The following PRICKLE1 variants were observed in gnomAD, a reference collection of about 807,000 sequenced individuals.
PRICKLE1 encodes prickle-like protein 1.
PRICKLE1 carries 14 observed loss-of-function variants against 70.2 expected under a neutral mutation model. That is an observed-to-expected ratio of 0.20 (90% CI 0.13 to 0.31). The LOEUF is 0.31. Ranked by LOEUF, PRICKLE1 falls within the 10% of genes least tolerant of loss-of-function variation. The pLI is 1.00. For missense variants in PRICKLE1, 821 were observed against 1,026.2 expected, an observed-to-expected ratio of 0.80 and a Z score of 2.73; for synonymous variants, 357 against 379.9, an observed-to-expected ratio of 0.94 and a Z score of 0.70.
In PRICKLE1 at chr12:42,544,223, C is replaced by T. The variant is rs570320251; in HGVS notation, c.-49+45242G>A. 3.2e-4 allele frequency among the ~76,000 whole-genome samples: 48 copies of T among 152,274 alleles called. 1 individual carries two copies. In the South Asian group the frequency reaches 9.1e-3, roughly 29 times the overall value. ...GGCTGCCTCACTATTTACAAATTTACGAGTGATCACTTGATTATGTTGGTC... is the reference window on the plus strand; with the variant it reads ...GGCTGCCTCACTATTTACAAATTTATGAGTGATCACTTGATTATGTTGGTC... On this transcript the variant is annotated intron_variant, in intron 1 of 7. Coordinates refer to ENST00000345127, the MANE Select transcript of PRICKLE1 (RefSeq NM_153026.3).
chr12:42,550,642 C>G (rs913561483), intron 1 of PRICKLE1, among the ~76,000 whole-genome samples: 3 of 152,164 alleles, frequency 2.0e-5, no homozygotes, highest in Non-Finnish European at 4.4e-5. Flanking sequence ...CTGTTTTCAA[C>G]TGCTACTCAG....
At chr12:42,552,124 T>C (rs546715372) in intron 1 of PRICKLE1, among the ~76,000 whole-genome samples, 50 of 149,562 alleles carry the variant, frequency 3.3e-4, no homozygotes, top group Admixed American at 1.9e-3. Context: ...TGGAGTGCAG[T>C]TATGCAACCT....
intron 1 of PRICKLE1, among the ~76,000 whole-genome samples, chr12:42,527,957 A>AC (rs1939840439): frequency 3.8e-5 from 1 of 26,356 alleles, no homozygotes; most frequent in African/African-American, 1.4e-4. Context: ...ATATATATAT[A>AC]TATATATATA....
rs568438224 is a variant in PRICKLE1, at chr12:42,459,407, A to G, written c.*402T>C. The G allele has an allele frequency of 2.9e-6, 2 of 701,506 alleles. No homozygotes were observed. Among genetic ancestry groups the G allele is most frequent in the Non-Finnish European group, 5.2e-6 (2 of 384,668 alleles). 43.5% of individuals were successfully genotyped at this position (701,506 alleles called of 1,614,324 possible). On this transcript the variant is annotated 3_prime_UTR_variant, in exon 8 of 8. Transcript: ENST00000345127. ...ATGCCTCACACCAAGACGGACTATC[A>G]AGACCTGAGCCGACCTGACTTACAT...
chr12:42,539,440 C>T lies in PRICKLE1; in HGVS notation c.-49+50025G>A, dbSNP rs916159392. 6.0e-5 allele frequency among the ~76,000 whole-genome samples: 9 copies of T among 151,248 alleles called. No individual in the cohort carries two copies. The South Asian group carries it at 6.3e-4, about 11-fold the overall frequency. On this transcript the variant is annotated intron_variant, in intron 1 of 7. Coordinates refer to ENST00000345127, the MANE Select transcript of PRICKLE1 (RefSeq NM_153026.3). ...CTGAGATCATGCCACTGCACTCCAGCCTGGGTGACAGAGCGAGACTCTGTC... is the reference window on the plus strand; with the variant it reads ...CTGAGATCATGCCACTGCACTCCAGTCTGGGTGACAGAGCGAGACTCTGTC...
At chr12:42,514,978 GA>G (rs1939582191) in intron 1 of PRICKLE1, among the ~76,000 whole-genome samples, 1 of 151,780 alleles carries the variant, frequency 6.6e-6, no homozygotes, top group Admixed American at 6.6e-5. Context: ...CCCCAGGTAG[GA>G]GTGCGGTGGC....
chr12:42,475,319 G>A (rs1207721722), intron 1 of PRICKLE1, among the ~76,000 whole-genome samples: 1 of 152,160 alleles, frequency 6.6e-6, no homozygotes, highest in Non-Finnish European at 1.5e-5. Flanking sequence ...TCCATGCCTG[G>A]CTGGTACCAT....
chr12:42,547,267 G>A (rs542279964), intron 1 of PRICKLE1, among the ~76,000 whole-genome samples: 1 of 152,272 alleles, frequency 6.6e-6, no homozygotes, highest in South Asian at 2.1e-4. Context: ...GATGTATGGT[G>A]GAAAGAACAA....
intron 1 of PRICKLE1, among the ~76,000 whole-genome samples, chr12:42,520,864 G>A (rs984602371): frequency 1.4e-4 from 22 of 152,020 alleles, no homozygotes; most frequent in Non-Finnish European, 4.4e-5. Context: ...TTGACAGAGG[G>A]ATAAATATGT....
chr12:42,554,003 C>A (rs1940370866), intron 1 of PRICKLE1, among the ~76,000 whole-genome samples: 2 of 152,276 alleles, frequency 1.3e-5, no homozygotes, highest in South Asian at 4.2e-4. Context: ...ACTGGGGAGG[C>A]TGAGGCAGGA....
At chr12:42,500,615 T>C (rs186197940) in intron 1 of PRICKLE1, among the ~76,000 whole-genome samples, 1 of 152,252 alleles carries the variant, frequency 6.6e-6, no homozygotes, top group Admixed American at 6.5e-5. Context: ...TCAGACAAAA[T>C]TGATTATAGC....
chr12:42,510,390 G>A (rs1320904373), intron 1 of PRICKLE1, among the ~76,000 whole-genome samples: 1 of 152,034 alleles, frequency 6.6e-6, no homozygotes, highest in African/African-American at 2.4e-5. Context: ...CACTGTGCTC[G>A]GCTATTAAGA....
At chr12:42,489,613 T>C (rs976562348) in intron 1 of PRICKLE1, 1 of 137,158 alleles carries the variant, frequency 7.3e-6, no homozygotes, top group Non-Finnish European at 1.5e-5. Context: ...TGAGCCAGAT[T>C]GAGCCATTGC....
chr12:42,553,680 T>G (rs975038236), intron 1 of PRICKLE1, among the ~76,000 whole-genome samples: 8 of 151,434 alleles, frequency 5.3e-5, no homozygotes, highest in Non-Finnish European at 1.0e-4. Flanking sequence ...ATGGAGGGAG[T>G]GGTACTCTAG....
At chr12:42,512,180 G>T (rs1036102137) in intron 1 of PRICKLE1, among the ~76,000 whole-genome samples, 3 of 152,026 alleles carry the variant, frequency 2.0e-5, no homozygotes, top group African/African-American at 7.2e-5. Flanking sequence ...ATGTGTTTTG[G>T]TTTTTTTGGA....
intron 2 of PRICKLE1, among the ~76,000 whole-genome samples, chr12:42,471,243 C>A (rs1471662144): frequency 6.6e-6 from 1 of 152,108 alleles, no homozygotes; most frequent in Non-Finnish European, 1.5e-5. Context: ...ACTTTGCTCA[C>A]TCTGAAAGGA....
chr12:42,498,977 A>C (rs1939257757), intron 1 of PRICKLE1, among the ~76,000 whole-genome samples: 1 of 152,248 alleles, frequency 6.6e-6, no homozygotes, highest in Non-Finnish European at 1.5e-5. Context: ...CAAAACTAAC[A>C]GCATGAGAAC....
chr12:42,492,621 T>C (rs974348238), intron 1 of PRICKLE1, among the ~76,000 whole-genome samples: 5 of 152,244 alleles, frequency 3.3e-5, no homozygotes, highest in South Asian at 2.1e-4. Flanking sequence ...TAGTGAAGAC[T>C]GGTTTACAAG....
intron 1 of PRICKLE1, among the ~76,000 whole-genome samples, chr12:42,560,443 T>C (rs1222715593): frequency 6.6e-6 from 1 of 152,074 alleles, no homozygotes; most frequent in Non-Finnish European, 1.5e-5. Flanking sequence ...CTCCTTTAAT[T>C]ATTTGGGTAT....
Sources: allele counts gnomAD v4.1 joint callset (sites outside exome capture counted in the v4.1 genomes callset), GRCh38; gene constraint gnomAD v4.1.1; transcripts MANE v1.5; gene names NCBI Gene and HGNC (gene_info 2026-07-23, HGNC 2026-07-21).